Variants in ROCK2 observed in about 807,000 individuals in gnomAD.
The protein encoded by ROCK2 is Rho associated coiled-coil containing protein kinase 2.
A neutral mutation model predicts 195.1 loss-of-function variants in ROCK2; 61 were observed. That is an observed-to-expected ratio of 0.31 (90% CI 0.25 to 0.39). The LOEUF is 0.39. Among genes scored for constraint, ROCK2 ranks in the 10% least tolerant of loss-of-function variants. ROCK2 has a pLI of 1.00. For missense variants in ROCK2, 1,109 were observed against 1,637.4 expected, an observed-to-expected ratio of 0.68 and a Z score of 5.57; for synonymous variants, 504 against 545.5, an observed-to-expected ratio of 0.92 and a Z score of 1.06.
intron 1 of ROCK2, among the ~76,000 whole-genome samples, chr2:11,317,578 A>ATATATC (rs1286817677): frequency 6.1e-5 from 1 of 16,438 alleles, no homozygotes; most frequent in African/African-American, 2.2e-4. Context: ...CTACACATTT[A>ATATATC]TATATATATA....
chr2:11,263,762 T>C (rs1666320075), intron 3 of ROCK2, among the ~76,000 whole-genome samples: 1 of 151,368 alleles, frequency 6.6e-6, no homozygotes, highest in Admixed American at 6.6e-5. Flanking sequence ...TTTTTTTTTT[T>C]AATTGGCAAC....
At chr2:11,283,567 C>CAAAA (rs1456842952) in intron 3 of ROCK2, among the ~76,000 whole-genome samples, 2,171 of 55,250 alleles carry the variant, frequency 0.039, 89 homozygotes, top group Non-Finnish European at 0.063. Context: ...GACTCCGTCT[C>CAAAA]AAAAAAAAAA....
At chr2:11,257,549 C>T (rs1206943150) in intron 3 of ROCK2, among the ~76,000 whole-genome samples, 2 of 151,394 alleles carry the variant, frequency 1.3e-5, no homozygotes, top group African/African-American at 4.9e-5. Context: ...CTTCGAGTTG[C>T]TGCTGTTCTT....
At chr2:11,317,606 A>ATTTT (rs1215755085) in intron 1 of ROCK2, among the ~76,000 whole-genome samples, 2 of 16,154 alleles carry the variant, frequency 1.2e-4, no homozygotes, top group African/African-American at 1.9e-4. Context: ...ATATATATAT[A>ATTTT]TATATATTTT....
chr2:11,218,467 CT>C lies in ROCK2; in HGVS notation c.1321-2del. On this transcript the variant is annotated splice_acceptor_variant, in intron 10 of 32. Transcript: ENST00000315872. LOFTEE classifies it high-confidence loss of function. ...AACATCAACATACCTCTTGACTTTCCTATTTAAAACAAAACAGAAAACACAT... is the reference window on the plus strand; with the variant it reads ...AACATCAACATACCTCTTGACTTTCCATTTAAAACAAAACAGAAAACACAT... The C allele has an allele frequency of 6.5e-7, 1 of 1,540,818 alleles. No individual in the cohort carries two copies. The highest frequency in any genetic ancestry group is 1.2e-5 in the South Asian group (1 of 84,170).
intron 1 of ROCK2, among the ~76,000 whole-genome samples, chr2:11,335,735 T>C (rs947360509): frequency 2.6e-5 from 4 of 152,178 alleles, no homozygotes; most frequent in African/African-American, 9.7e-5. Flanking sequence ...CAAATCTCAA[T>C]CTCCTGATAT....
At chr2:11,214,781 A>T (rs878962755) in intron 16 of ROCK2, 59 bp downstream of exon 16, 1 of 1,473,136 alleles carries the variant, frequency 6.8e-7, no homozygotes, top group South Asian at 1.3e-5. Flanking sequence ...CATCATCTAA[A>T]GTTATTTTTA....
At position 11,281,041 on chromosome 2, in the gene ROCK2, T is replaced by G. The variant is rs116333184; in HGVS notation, c.324+5498A>C. Among the ~76,000 whole-genome samples the G allele has an allele frequency of 8.9e-3, 1,352 of 152,122 alleles. 14 individuals are homozygous for G. Among genetic ancestry groups the G allele is most frequent in the African/African-American group, 0.031 (1,276 of 41,488 alleles). On this transcript the variant is annotated intron_variant, in intron 3 of 32. Transcript: ENST00000315872. ...CAATGTATTATGCGGTGTAAAAGAA[T>G]TATACGCCACAACCAAGTGGGATTT...
chr2:11,289,091 T>C (rs1380478406), intron 1 of ROCK2, among the ~76,000 whole-genome samples: 6 of 152,190 alleles, frequency 3.9e-5, no homozygotes, highest in Admixed American at 1.3e-4. Context: ...ACTATTAACA[T>C]TTTTAATAAC....
intron 1 of ROCK2, among the ~76,000 whole-genome samples, chr2:11,317,226 A>T (rs1360171191): frequency 6.6e-6 from 1 of 152,036 alleles, no homozygotes; most frequent in African/African-American, 2.4e-5. Context: ...CTGAAATAAT[A>T]AATTTAGTCA....
At chr2:11,295,989 A>AGGGGAGAGGG (rs374434504) in intron 1 of ROCK2, among the ~76,000 whole-genome samples, 1 of 23,456 alleles carries the variant, frequency 4.3e-5, no homozygotes, top group Non-Finnish European at 1.1e-4. Context: ...AGAGAGAGAG[A>AGGGGAGAGGG]GGAGAGAGAG....
chr2:11,289,630 C>G (rs1025290449), intron 1 of ROCK2, among the ~76,000 whole-genome samples: 5 of 152,104 alleles, frequency 3.3e-5, no homozygotes, highest in African/African-American at 1.2e-4. Flanking sequence ...ACACTTCATA[C>G]TGAAATAAAA....
At chr2:11,264,445 G>A (rs977638997) in intron 3 of ROCK2, among the ~76,000 whole-genome samples, 4 of 152,176 alleles carry the variant, frequency 2.6e-5, no homozygotes, top group Admixed American at 1.3e-4. Flanking sequence ...GAACAACTAG[G>A]TTGATGCAAG....
At chr2:11,262,147 A>G (rs1324057912) in intron 3 of ROCK2, among the ~76,000 whole-genome samples, 1 of 152,148 alleles carries the variant, frequency 6.6e-6, no homozygotes, top group Non-Finnish European at 1.5e-5. Flanking sequence ...CTCCTATTAC[A>G]GTGTTTCTCT....
chr2:11,224,525 G>T, intron 6 of ROCK2, 65 bp from the exon 7 acceptor site: 2 of 1,414,670 alleles, frequency 1.4e-6, no homozygotes, highest in Non-Finnish European at 2.0e-6. Context: ...TTTTCACCTA[G>T]TACTTAAATA....
Position 11,331,880 on chromosome 2 carries a change from C to T in ROCK2, c.141+12116G>A, listed in dbSNP as rs1009426431. 4.6e-5 allele frequency among the ~76,000 whole-genome samples: 7 copies of T among 152,278 alleles called. No homozygotes were observed. In the East Asian group the frequency reaches 1.4e-3, roughly 29 times the overall value. On this transcript the variant is annotated intron_variant, in intron 1 of 32. Transcript: ENST00000315872. The stretch of plus-strand genomic sequence containing the variant: ...GGCGGAAGTTGCAGTGAGCTGAGAT[C>T]ACACTGCTGCACTCCAGCCCAGGCG...
Position 11,211,743 on chromosome 2 carries a change from C to T in ROCK2, c.2141G>A (p.Arg714Gln). ...EEAEHKATKA[R>Q]LADKNKIYES... ...ATAGATCTTATTTTTATCTGCTAGT[C>T]GTGCCTTTGTGGCCTTATGTTCAGC... The change falls in exon 18 of 33, where the codon CGA (arginine) becomes CAA (glutamine). Residue 714 changes from arginine to glutamine, a missense_variant. Around this residue, in one of 6 missense-constraint regions of ROCK2, gnomAD observed 542 missense variants for 672.0 expected, o/e 0.81. Transcript: ENST00000315872. 3 of 1,613,642 alleles carry T rather than the reference C, an allele frequency of 1.9e-6. No individual in the cohort carries two copies. Among genetic ancestry groups the T allele is most frequent in the Admixed American group, 1.7e-5 (1 of 59,978 alleles).
At chr2:11,270,824 A>G (rs189037415) in intron 3 of ROCK2, among the ~76,000 whole-genome samples, 1 of 139,880 alleles carries the variant, frequency 7.1e-6, no homozygotes, top group African/African-American at 2.4e-5. Context: ...TAGTGTTCCT[A>G]CCATGTTTGC....
chr2:11,219,337 A>C (rs1226727558), intron 9 of ROCK2, among the ~76,000 whole-genome samples: 2 of 29,308 alleles, frequency 6.8e-5, no homozygotes, highest in African/African-American at 1.3e-4. Flanking sequence ...TTATCTCTAC[A>C]AAAAAAAAAA....
Sources: gnomAD v4.1 joint callset for allele counts (sites outside exome capture counted in the v4.1 genomes callset) on GRCh38, gnomAD v4.1.1 for gene constraint, gnomAD v4.1.1 regional missense constraint, MANE v1.5 for transcripts, NCBI Gene and HGNC (gene_info 2026-07-23, HGNC 2026-07-21) for gene names.